Variants in ARHGEF19 observed in about 807,000 individuals in gnomAD.
ARHGEF19 encodes Rho guanine nucleotide exchange factor (GEF) 19.
In ARHGEF19, 92 loss-of-function variants were observed where a neutral mutation model predicts 87.6. That is an observed-to-expected ratio of 1.05 (90% CI 0.89 to 1.25). The LOEUF is 1.25. Ranked by LOEUF, ARHGEF19 falls within the 50% of genes most tolerant of loss-of-function variation. The pLI is 0.00. For synonymous variants in ARHGEF19, 438 were observed against 446.2 expected (o/e 0.98, Z 0.23); for missense variants, 1,054 against 1,051.8 (o/e 1.00, Z -0.03).
Position 16,207,253 on chromosome 1 carries a change from G to A in ARHGEF19, c.875-43C>T, listed in dbSNP as rs888958038. On this transcript the variant is annotated intron_variant, in intron 5 of 15. Transcript: ENST00000270747. This position sits in a 1 kb window ranked among gnomAD's most constrained non-coding sequence, Gnocchi z 4.0. ...GGGGGAGAGCGTGGGGCGCCCGCCA[G>A]CCCCTGCCCGGCTTTTCCTCGGTTC... 24 of 1,468,260 alleles carry A rather than the reference G, an allele frequency of 1.6e-5. No individual in the cohort carries two copies. The highest frequency in any genetic ancestry group is 2.2e-5 in the Non-Finnish European group (24 of 1,115,418). 91.0% of individuals were successfully genotyped at this position (1,468,260 alleles called of 1,614,324 possible).
At chr1:16,211,138 A>G (rs1366521021) in intron 1 of ARHGEF19, among the ~76,000 whole-genome samples, 1 of 152,178 alleles carries the variant, frequency 6.6e-6, no homozygotes, top group Non-Finnish European at 1.5e-5. Flanking sequence ...TCCGGCAAAT[A>G]GGATAGTATT....
Position 16,206,192 on chromosome 1 carries a change from C to G in ARHGEF19, c.1286G>C (p.Ser429Thr). ...WLFSKLPEVK[S>T]TSERFLQDLE... ...ACCACTTCTTCACCTCTCGCTGGTG[C>G]TCTTGACCTCGGGCAGTTTGGAAAA... The change falls in exon 7 of 16, where the codon AGC (serine) becomes ACC (threonine). Residue 429 changes from serine (S) to threonine (T), a missense_variant. Ser to Thr is a moderately conservative substitution (Grantham distance 58, BLOSUM62 1). Coordinates refer to ENST00000270747, the MANE Select transcript of ARHGEF19 (RefSeq NM_153213.5). The surrounding 1 kb of genome is among the most constrained non-coding windows in gnomAD (Gnocchi z 4.6). The G allele has an allele frequency of 6.3e-7, 1 of 1,596,442 alleles. No individual in the cohort carries two copies. Among genetic ancestry groups the G allele is most frequent in the South Asian group, 1.1e-5 (1 of 88,554 alleles).
chr1:16,209,385 G>A (rs1165263880), intron 1 of ARHGEF19, among the ~76,000 whole-genome samples: 1 of 152,156 alleles, frequency 6.6e-6, no homozygotes, highest in Non-Finnish European at 1.5e-5. Flanking sequence ...TTGGTAAATG[G>A]TGGAGCCAGG....
rs954443585 is a variant in ARHGEF19, at chr1:16,211,368, C to T, written c.-30+1134G>A. Among the ~76,000 whole-genome samples, 5 of 152,324 alleles carry T rather than the reference C, an allele frequency of 3.3e-5. No homozygotes were observed. The South Asian group carries it at 1.0e-3, about 32-fold the overall frequency. ...ACACATGTGCAGGCATGTACACATG[C>T]CCCCTGCCCCTTTGTATGCTGGGAG... On this transcript the variant is annotated intron_variant, in intron 1 of 15. Coordinates refer to ENST00000270747, the MANE Select transcript of ARHGEF19 (RefSeq NM_153213.5).
chr1:16,199,379 T>G, intron 14 of ARHGEF19, 125 bp from the exon 15 acceptor site: 2 of 744,928 alleles, frequency 2.7e-6, no homozygotes, highest in Non-Finnish European at 2.3e-6. Context: ...GAGGCTTCTA[T>G]TCCTCTGCCA....
intron 1 of ARHGEF19, among the ~76,000 whole-genome samples, chr1:16,211,961 T>C (rs1319360727): frequency 2.0e-5 from 3 of 152,220 alleles, no homozygotes; most frequent in African/African-American, 2.4e-5. Flanking sequence ...ACCAGCTGTG[T>C]GGCCTTAGGC....
At chr1:16,211,101 G>A (rs1489650738) in intron 1 of ARHGEF19, among the ~76,000 whole-genome samples, 2 of 152,150 alleles carry the variant, frequency 1.3e-5, no homozygotes, top group East Asian at 3.9e-4. Flanking sequence ...CCATCTGAGC[G>A]AGTCTCCCTA....
intron 1 of ARHGEF19, among the ~76,000 whole-genome samples, chr1:16,212,267 T>G (rs2081204440): frequency 6.6e-6 from 1 of 152,138 alleles, no homozygotes; most frequent in South Asian, 2.1e-4. Flanking sequence ...GCCCCTTGCC[T>G]TGCTGCCCAG....
Position 16,205,007 on chromosome 1 carries a change from A to G in ARHGEF19, c.1746+80T>C. Reference sequence around the variant, plus strand: ...GATGGGAGGGTGTGGGCAGCGATTAACTGGCCTGAAGCCCCCAGGGCAAGG... The same window carrying G: ...GATGGGAGGGTGTGGGCAGCGATTAGCTGGCCTGAAGCCCCCAGGGCAAGG... On this transcript the variant is annotated intron_variant, in intron 11 of 15. Transcript: ENST00000270747. This position sits in a 1 kb window ranked among gnomAD's most constrained non-coding sequence, Gnocchi z 5.8. 1 of 1,561,996 alleles carries G rather than the reference A, an allele frequency of 6.4e-7. No homozygotes were observed. The highest frequency in any genetic ancestry group is 8.7e-7 in the Non-Finnish European group (1 of 1,152,314).
In ARHGEF19 at chr1:16,206,913, C is replaced by T. The variant is rs2081142313; in HGVS notation, c.1137+35G>A. 3 of 1,429,000 alleles carry T rather than the reference C, an allele frequency of 2.1e-6. No individual in the cohort carries two copies. The highest frequency in any genetic ancestry group is 1.4e-5 in the South Asian group (1 of 69,082). The allele number at this position is 1,429,000 out of a possible 1,614,324, so 88.5% of individuals were successfully genotyped here. A position where few individuals can be genotyped will look rare whatever the true frequency, so the allele number is the denominator to read the frequency against. ...TCCCCGGACCGCGTACTCCCCGGCCCGCCCCCGCCCCGCCGGGTCCCCGCG... is the reference window on the plus strand; with the variant it reads ...TCCCCGGACCGCGTACTCCCCGGCCTGCCCCCGCCCCGCCGGGTCCCCGCG... On this transcript the variant is annotated intron_variant, in intron 6 of 15. Transcript: ENST00000270747. This position sits in a 1 kb window ranked among gnomAD's most constrained non-coding sequence, Gnocchi z 4.6.
At chr1:16,199,325 G>A in intron 14 of ARHGEF19, 71 bp from the exon 15 acceptor site, 2 of 1,334,384 alleles carry the variant, frequency 1.5e-6, no homozygotes, top group Non-Finnish European at 1.1e-6. Flanking sequence ...GGTAGGGCAG[G>A]GAGGGGCAGT....
chr1:16,204,699 G>A lies in ARHGEF19; in HGVS notation c.1907+60C>T. On this transcript the variant is annotated intron_variant, in intron 12 of 15. Transcript: ENST00000270747. ...GGATGGACTGGTCATAAGCCCAGTGGTGGGGAGGAAGAGAGCCTGGCTCCA... is the reference window on the plus strand; with the variant it reads ...GGATGGACTGGTCATAAGCCCAGTGATGGGGAGGAAGAGAGCCTGGCTCCA... 4 of 1,510,030 alleles carry A rather than the reference G, an allele frequency of 2.6e-6. No individual in the cohort carries two copies. The South Asian group carries it at 5.3e-5, about 20-fold the overall frequency. 93.5% of individuals were successfully genotyped at this position (1,510,030 alleles called of 1,614,324 possible). A position where few individuals can be genotyped will look rare whatever the true frequency, so the allele number is the denominator to read the frequency against.
intron 1 of ARHGEF19, among the ~76,000 whole-genome samples, chr1:16,210,325 C>A (rs1312584541): frequency 6.6e-6 from 1 of 152,176 alleles, no homozygotes; most frequent in Non-Finnish European, 1.5e-5. Flanking sequence ...CTACCCTAGC[C>A]TGGCCTCGCT....
At position 16,206,877 on chromosome 1, in the gene ARHGEF19, T is replaced by G; in HGVS notation, c.1137+71A>C. The G allele has an allele frequency of 1.5e-6, 2 of 1,373,130 alleles. No homozygotes were observed. Among genetic ancestry groups the G allele is most frequent in the Non-Finnish European group, 1.9e-6 (2 of 1,069,656 alleles). 85.1% of individuals were successfully genotyped at this position (1,373,130 alleles called of 1,614,324 possible). A position where few individuals can be genotyped will look rare whatever the true frequency, so the allele number is the denominator to read the frequency against. On this transcript the variant is annotated intron_variant, in intron 6 of 15. Transcript: ENST00000270747. This position sits in a 1 kb window ranked among gnomAD's most constrained non-coding sequence, Gnocchi z 4.6. ...GTGTCCCCCTCCCTCTATGGCCCGG[T>G]TCCCGCTAAGTCCCCGGACCGCGTA... is the stretch of plus-strand genomic sequence containing the variant.
chr1:16,206,895 A>G lies in ARHGEF19; in HGVS notation c.1137+53T>C. On this transcript the variant is annotated intron_variant, in intron 6 of 15. Transcript: ENST00000270747. This position sits in a 1 kb window ranked among gnomAD's most constrained non-coding sequence, Gnocchi z 4.6. ...GGCCCGGTTCCCGCTAAGTCCCCGG[A>G]CCGCGTACTCCCCGGCCCGCCCCCG... 2.1e-6 allele frequency: 3 copies of G among 1,396,332 alleles called. No homozygotes were observed. Among genetic ancestry groups the G allele is most frequent in the Admixed American group, 3.4e-5 (1 of 29,166 alleles). The allele number at this position is 1,396,332 out of a possible 1,614,324, so 86.5% of individuals were successfully genotyped here. A position where few individuals can be genotyped will look rare whatever the true frequency, so the allele number is the denominator to read the frequency against.
At position 16,205,871 on chromosome 1, in the gene ARHGEF19, G is replaced by A; in HGVS notation, c.1451+60C>T. On this transcript the variant is annotated intron_variant, in intron 8 of 15. Coordinates refer to ENST00000270747, the MANE Select transcript of ARHGEF19 (RefSeq NM_153213.5). This position sits in a 1 kb window ranked among gnomAD's most constrained non-coding sequence, Gnocchi z 5.8. Reference sequence around the variant, plus strand: ...CACCTTACGTCACCCAGCCCTCAGTGCCTACACCTGCCTGAGACTCCCTCC... The same window carrying A: ...CACCTTACGTCACCCAGCCCTCAGTACCTACACCTGCCTGAGACTCCCTCC... 8 of 1,551,398 alleles carry A rather than the reference G, an allele frequency of 5.2e-6. No homozygotes were observed. The highest frequency in any genetic ancestry group is 7.0e-6 in the Non-Finnish European group (8 of 1,146,768).
In ARHGEF19 at chr1:16,206,211, T is replaced by C. The variant is rs2100278651; in HGVS notation, c.1267A>G (p.Lys423Glu). ...CTGGTGCTCTTGACCTCGGGCAGTT[T>C]GGAAAACAGCCACTGCTTGTCCTGC... ...GAQDKQWLFSKLPEVKSTSER... is the reference protein window; with the variant it reads ...GAQDKQWLFSELPEVKSTSER... The change falls in exon 7 of 16, where the codon AAA (lysine) becomes GAA (glutamate). Residue 423 changes from lysine (K) to glutamate (E), a missense_variant. By Grantham distance (56) the Lys-to-Glu change is moderately conservative. Coordinates refer to ENST00000270747, the MANE Select transcript of ARHGEF19 (RefSeq NM_153213.5). The surrounding 1 kb of genome is among the most constrained non-coding windows in gnomAD (Gnocchi z 4.6). 1 of 1,598,782 alleles carries C rather than the reference T, an allele frequency of 6.3e-7. No individual in the cohort carries two copies. Among genetic ancestry groups the C allele is most frequent in the African/African-American group, 1.3e-5 (1 of 74,804 alleles).
At position 16,206,394 on chromosome 1, in the gene ARHGEF19, C is replaced by A. The variant is rs1241271387; in HGVS notation, c.1138-54G>T. 1.9e-6 allele frequency: 3 copies of A among 1,548,672 alleles called. No individual in the cohort carries two copies. The highest frequency in any genetic ancestry group is 2.6e-6 in the Non-Finnish European group (3 of 1,143,430). ...GGGCAGGACCAGTTCACCTCGGAGGCCCTGGCCTCACATCCCCAGACCCCA... is the reference window on the plus strand; with the variant it reads ...GGGCAGGACCAGTTCACCTCGGAGGACCTGGCCTCACATCCCCAGACCCCA... On this transcript the variant is annotated intron_variant, in intron 6 of 15. Transcript: ENST00000270747. This position sits in a 1 kb window ranked among gnomAD's most constrained non-coding sequence, Gnocchi z 4.6.
rs775481791 is a variant in ARHGEF19 at position 16,208,042 on chromosome 1, G to T, written c.596C>A (p.Ser199Ter). Residue 199 changes from serine to a stop codon, truncating the protein, a stop_gained, in exon 3 of 16, where the codon TCG becomes TAG. Coordinates refer to ENST00000270747, the MANE Select transcript of ARHGEF19 (RefSeq NM_153213.5). LOFTEE classifies it high-confidence loss of function. The part of the protein sequence containing the change: ...EGPERRRFSA[S>*]ELMTRLHSSL... ...AGAGTGCAGCCGGGTCATCAGCTCC[G>T]ATGCCGAGAAGCGCCTCCGCTCAGG... The T allele has an allele frequency of 6.2e-7, 1 of 1,613,792 alleles. No homozygotes were observed. Among genetic ancestry groups the T allele is most frequent in the South Asian group, 1.1e-5 (1 of 91,092 alleles).
Sources: gnomAD v4.1 joint callset for allele counts (sites outside exome capture counted in the v4.1 genomes callset) on GRCh38, gnomAD v4.1.1 for gene constraint, Gnocchi (gnomAD v3.1) non-coding constraint, MANE v1.5 for transcripts, NCBI Gene and HGNC (gene_info 2026-07-23, HGNC 2026-07-21) for gene names.